Variants in BSPH1 observed in about 807,000 individuals in gnomAD.
The protein encoded by BSPH1 is binder of sperm 1.
In BSPH1, 21 loss-of-function variants were observed where a neutral mutation model predicts 22.5. That is an observed-to-expected ratio of 0.93 (90% CI 0.66 to 1.35). BSPH1 has a LOEUF of 1.35. Among genes scored for constraint, BSPH1 ranks in the 40% most tolerant of loss-of-function variants. The probability of loss-of-function intolerance (pLI) is 0.00; values close to 1 mark genes in which losing one functional copy is unlikely to be tolerated. For missense variants in BSPH1, 141 were observed against 154.2 expected, an observed-to-expected ratio of 0.91 and a Z score of 0.45; for synonymous variants, 42 against 53.6, an observed-to-expected ratio of 0.78 and a Z score of 0.95.
intron 5 of BSPH1, among the ~76,000 whole-genome samples, chr19:47,971,577 T>C (rs968693895): frequency 1.3e-5 from 2 of 152,218 alleles, no homozygotes; most frequent in Non-Finnish European, 2.9e-5. Flanking sequence ...TTTGACCGAA[T>C]CCCTCTCATT....
chr19:47,990,804 C>T (rs1969516085), intron 1 of BSPH1, among the ~76,000 whole-genome samples: 1 of 151,996 alleles, frequency 6.6e-6, no homozygotes, highest in Non-Finnish European at 1.5e-5. Flanking sequence ...TTGTTACAGG[C>T]AACACGACTT....
chr19:47,974,235 T>G (rs1022020063), intron 5 of BSPH1, among the ~76,000 whole-genome samples: 3 of 150,820 alleles, frequency 2.0e-5, no homozygotes, highest in Admixed American at 1.3e-4. Flanking sequence ...TCCCATGGAT[T>G]GGTCACTTCC....
chr19:47,971,899 T>C (rs886625083), intron 5 of BSPH1, among the ~76,000 whole-genome samples: 1 of 152,238 alleles, frequency 6.6e-6, no homozygotes, highest in Admixed American at 6.5e-5. Context: ...ATGTGTCTTG[T>C]TCATTGTCAA....
intron 5 of BSPH1, among the ~76,000 whole-genome samples, chr19:47,973,724 G>A (rs371749951): frequency 6.6e-6 from 1 of 152,154 alleles, no homozygotes; most frequent in Non-Finnish European, 1.5e-5. Context: ...AAGTACACGC[G>A]GGGAGGGCGC....
intron 5 of BSPH1, among the ~76,000 whole-genome samples, chr19:47,975,649 A>ATTTTTT (rs199878812): frequency 4.0e-5 from 5 of 124,914 alleles, no homozygotes; most frequent in East Asian, 2.3e-4. Context: ...AAGGTAATGC[A>ATTTTTT]TTTTTTTTTT....
At chr19:47,981,788 A>C in intron 1 of BSPH1, 2 of 958,546 alleles carry the variant, frequency 2.1e-6, no homozygotes, top group African/African-American at 3.5e-5. Flanking sequence ...TTTTTTCTTA[A>C]AGCAGCATTT....
intron 3 of BSPH1, among the ~76,000 whole-genome samples, chr19:47,978,133 G>A (rs1475727634): frequency 6.6e-6 from 1 of 151,280 alleles, no homozygotes; most frequent in Non-Finnish European, 1.5e-5. Flanking sequence ...ACACATCACA[G>A]AAATCTTCTT....
chr19:47,988,684 C>A (rs1040374910), intron 1 of BSPH1, among the ~76,000 whole-genome samples: 2 of 152,048 alleles, frequency 1.3e-5, no homozygotes, highest in East Asian at 1.9e-4. Context: ...GCAGTCCTAC[C>A]GCACCAAAGC....
At chr19:47,973,609 C>T (rs1286764020) in intron 5 of BSPH1, among the ~76,000 whole-genome samples, 2 of 152,184 alleles carry the variant, frequency 1.3e-5, no homozygotes, top group African/African-American at 2.4e-5. Flanking sequence ...TTGCTGGTTG[C>T]TACAACAGTT....
At chr19:47,973,527 T>C (rs1438417692) in intron 5 of BSPH1, among the ~76,000 whole-genome samples, 1 of 152,136 alleles carries the variant, frequency 6.6e-6, no homozygotes, top group African/African-American at 2.4e-5. Flanking sequence ...ACAGCTCCCA[T>C]TTTATTCTGC....
intron 1 of BSPH1, among the ~76,000 whole-genome samples, chr19:47,986,743 T>TAAAAAA (rs3083228): frequency 4.7e-5 from 6 of 127,386 alleles, no homozygotes; most frequent in African/African-American, 1.3e-4. Context: ...AGACCCTATC[T>TAAAAAA]AAAAATAAAA....
chr19:47,987,069 C>A (rs535680675), intron 1 of BSPH1, among the ~76,000 whole-genome samples: 27 of 152,334 alleles, frequency 1.8e-4, no homozygotes, highest in African/African-American at 6.0e-4. Flanking sequence ...TTAGGGCCAA[C>A]CCGTATCCAT....
intron 3 of BSPH1, 156 bp from the exon 4 acceptor site, chr19:47,977,660 C>T (rs1381517463): frequency 2.0e-6 from 2 of 985,154 alleles, no homozygotes; most frequent in Non-Finnish European, 2.4e-6. Context: ...AGCTTTGGCT[C>T]TCTAATGACA....
intron 5 of BSPH1, among the ~76,000 whole-genome samples, chr19:47,968,700 A>AAG (rs1969281153): frequency 6.7e-6 from 1 of 149,606 alleles, no homozygotes; most frequent in African/African-American, 2.4e-5. Flanking sequence ...AAAAAAAAAA[A>AAG]AAAGAAATCA....
chr19:47,988,578 G>T (rs1166853013), intron 1 of BSPH1, among the ~76,000 whole-genome samples: 5 of 152,104 alleles, frequency 3.3e-5, no homozygotes, highest in Admixed American at 6.6e-5. Flanking sequence ...CTTAGCCATG[G>T]TTCCTCCTCA....
intron 1 of BSPH1, among the ~76,000 whole-genome samples, chr19:47,982,751 T>A (rs992758960): frequency 6.6e-6 from 1 of 152,264 alleles, no homozygotes; most frequent in Non-Finnish European, 1.5e-5. Flanking sequence ...GGTAGACACA[T>A]ACAATGGAGT....
At chr19:47,991,945 T>C (rs1966875882) in intron 1 of BSPH1, 64 bp downstream of exon 1, 7 of 1,092,904 alleles carry the variant, frequency 6.4e-6, no homozygotes, top group Non-Finnish European at 8.2e-6. Flanking sequence ...CCTTCCTTGC[T>C]CTCACTCTGC....
Position 47,984,494 on chromosome 19 carries a change from A to G in BSPH1, c.74-3553T>C, listed in dbSNP as rs563764101. ...CTGTTATAATATATAAGGTTTTAAA[A>G]ATACCCTTATTTGAAATAAAAATGA... is the stretch of plus-strand genomic sequence containing the variant. On this transcript the variant is annotated intron_variant, in intron 1 of 5. Coordinates refer to ENST00000344839, the MANE Select transcript of BSPH1 (RefSeq NM_001128326.2). 3.9e-5 allele frequency among the ~76,000 whole-genome samples: 6 copies of G among 152,140 alleles called. No individual in the cohort carries two copies. The South Asian group carries it at 1.2e-3, about 32-fold the overall frequency.
At chr19:47,987,979 G>C (rs770008197) in intron 1 of BSPH1, among the ~76,000 whole-genome samples, 1 of 152,186 alleles carries the variant, frequency 6.6e-6, no homozygotes, top group South Asian at 2.1e-4. Context: ...CTGGGTGACA[G>C]AGTGAGCCCT....
Sources: gnomAD v4.1 joint callset for allele counts (sites outside exome capture counted in the v4.1 genomes callset) on GRCh38, gnomAD v4.1.1 for gene constraint, MANE v1.5 for transcripts, NCBI Gene and HGNC (gene_info 2026-07-23, HGNC 2026-07-21) for gene names.